Variants in TSNARE1 observed in about 807,000 individuals in gnomAD.
TSNARE1 encodes t-SNARE domain-containing protein 1.
Under a neutral mutation model 62.0 loss-of-function variants are expected in TSNARE1, and 49 were observed. The observed-to-expected ratio is 0.79, with a 90% CI of 0.63 to 1.00. The LOEUF is 1.00. TSNARE1 is among the 50% of genes least tolerant of loss of function. The probability of loss-of-function intolerance (pLI) is 0.00; values close to 1 mark genes in which losing one functional copy is unlikely to be tolerated. For synonymous variants in TSNARE1, 328 were observed against 294.4 expected, an observed-to-expected ratio of 1.11 and a Z score of -1.17; for missense variants, 755 against 700.1, an observed-to-expected ratio of 1.08 and a Z score of -0.88.
chr8:142,233,402 C>G (rs1817222456), intron 12 of TSNARE1, among the ~76,000 whole-genome samples: 1 of 152,166 alleles, frequency 6.6e-6, no homozygotes. Context: ...CTGGCCTCAT[C>G]CACATCAAGC....
At chr8:142,214,101 G>A (rs551320850) in intron 13 of TSNARE1, among the ~76,000 whole-genome samples, 1 of 152,200 alleles carries the variant, frequency 6.6e-6, no homozygotes, top group South Asian at 2.1e-4. Flanking sequence ...GGGTCTGAGG[G>A]CCTCAGGGCT....
chr8:142,236,555 A>T (rs7828173), intron 12 of TSNARE1, among the ~76,000 whole-genome samples: 21 of 147,362 alleles, frequency 1.4e-4, no homozygotes, highest in African/African-American at 5.3e-4. Flanking sequence ...GCTGATCCCC[A>T]TGTCCCCAGG....
At chr8:142,363,587 C>T (rs969095770) in intron 1 of TSNARE1, among the ~76,000 whole-genome samples, 13 of 152,266 alleles carry the variant, frequency 8.5e-5, no homozygotes, top group East Asian at 1.9e-4. Flanking sequence ...AACCTGAAGA[C>T]GGCGTTCCCA....
At chr8:142,289,887 A>T (rs965229542) in intron 10 of TSNARE1, among the ~76,000 whole-genome samples, 2 of 152,020 alleles carry the variant, frequency 1.3e-5, no homozygotes, top group African/African-American at 4.8e-5. Context: ...TGGGACCTGC[A>T]GCTGGGCCTG....
chr8:142,277,923 C>G, intron 11 of TSNARE1: 1 of 976,004 alleles, frequency 1.0e-6, no homozygotes, highest in Non-Finnish European at 1.2e-6. Context: ...CAGCCCCACA[C>G]CACATGTCTA....
At chr8:142,274,304 T>G in intron 12 of TSNARE1, 2 of 985,384 alleles carry the variant, frequency 2.0e-6, no homozygotes, top group Non-Finnish European at 2.4e-6. Flanking sequence ...CAAGGCCCAG[T>G]GAGTGGCTAG....
intron 12 of TSNARE1, among the ~76,000 whole-genome samples, chr8:142,231,586 A>G (rs1234194081): frequency 6.6e-6 from 1 of 152,190 alleles, no homozygotes; most frequent in Non-Finnish European, 1.5e-5. Flanking sequence ...GACAGCGCCC[A>G]TGGCTTAGGA....
intron 4 of TSNARE1, among the ~76,000 whole-genome samples, chr8:142,340,476 T>C (rs1832431181): frequency 6.6e-6 from 1 of 152,066 alleles, no homozygotes; most frequent in Admixed American, 6.5e-5. Context: ...AGGGCTCCCT[T>C]TTGGGAGGTG....
At chr8:142,393,438 G>A (rs1445786951) in intron 1 of TSNARE1, among the ~76,000 whole-genome samples, 8 of 152,256 alleles carry the variant, frequency 5.3e-5, no homozygotes, top group Non-Finnish European at 7.3e-5. Flanking sequence ...CGGCCAATCC[G>A]CTGGCTGTGC....
intron 9 of TSNARE1, among the ~76,000 whole-genome samples, chr8:142,302,969 G>A (rs906254412): frequency 3.9e-5 from 6 of 152,068 alleles, no homozygotes; most frequent in African/African-American, 1.4e-4. Flanking sequence ...GAGGCACTAG[G>A]GGTACAGCTG....
At chr8:142,267,800 G>A (rs1023424510) in intron 12 of TSNARE1, among the ~76,000 whole-genome samples, 4 of 152,192 alleles carry the variant, frequency 2.6e-5, no homozygotes, top group Non-Finnish European at 5.9e-5. Context: ...CTGCCTGGGG[G>A]ATGGAATGCA....
intron 10 of TSNARE1, among the ~76,000 whole-genome samples, chr8:142,293,728 G>A (rs1824205663): frequency 6.6e-6 from 1 of 152,172 alleles, no homozygotes; most frequent in Non-Finnish European, 1.5e-5. Context: ...TCGGATCGAG[G>A]GTCATCTCCT....
intron 1 of TSNARE1, among the ~76,000 whole-genome samples, chr8:142,366,619 G>A (rs915272905): frequency 2.6e-5 from 4 of 152,106 alleles, no homozygotes; most frequent in Non-Finnish European, 5.9e-5. Context: ...GAAAACACAA[G>A]AAGCTGTCTT....
intron 1 of TSNARE1, among the ~76,000 whole-genome samples, chr8:142,374,031 A>G (rs1836112264): frequency 6.6e-6 from 1 of 152,230 alleles, no homozygotes; most frequent in Non-Finnish European, 1.5e-5. Context: ...AGGCCAGGCG[A>G]CATGGCTCAT....
intron 12 of TSNARE1, among the ~76,000 whole-genome samples, chr8:142,262,324 C>T (rs922224347): frequency 6.7e-6 from 1 of 148,866 alleles, no homozygotes; most frequent in Non-Finnish European, 1.5e-5. Flanking sequence ...TATCCATGAA[C>T]GTGTGTGTGT....
chr8:142,343,279 C>A (rs1832840113), intron 4 of TSNARE1, among the ~76,000 whole-genome samples: 1 of 152,218 alleles, frequency 6.6e-6, no homozygotes, highest in Non-Finnish European at 1.5e-5. Flanking sequence ...AGTAACAGAG[C>A]AGCATGTTTC....
Position 142,274,804 on chromosome 8 carries a change from G to A in TSNARE1, c.1423C>T (p.Leu475=). 1 of 1,577,950 alleles carries A rather than the reference G, an allele frequency of 6.3e-7. No homozygotes were observed. The highest frequency in any genetic ancestry group is 2.4e-5 in the East Asian group (1 of 41,740). Residue 475 remains leucine, a synonymous_variant, in exon 12 of 14, where the codon CTG becomes TTG. Coordinates refer to ENST00000524325, the MANE Select transcript of TSNARE1 (RefSeq NM_145003.5). Reference sequence around the variant, plus strand: ...ACTTGGTGCCGGCTGGCTCCAGCCAGGAGCTGGCGGGCTGCCTCCGCATGC... The same window carrying A: ...ACTTGGTGCCGGCTGGCTCCAGCCAAGAGCTGGCGGGCTGCCTCCGCATGC... ...SSHAEAARQL[L]AGASRHQLQR...
chr8:142,217,166 C>T (rs1243645263), intron 13 of TSNARE1, among the ~76,000 whole-genome samples: 1 of 151,758 alleles, frequency 6.6e-6, no homozygotes, highest in Non-Finnish European at 1.5e-5. Flanking sequence ...TCACTTGAAC[C>T]CTGGGAGGTG....
At chr8:142,274,433 T>G (rs1225151686) in intron 12 of TSNARE1, 2 of 985,356 alleles carry the variant, frequency 2.0e-6, no homozygotes, top group Non-Finnish European at 2.4e-6. Context: ...CGCCCCAGTA[T>G]GGACACTGAG....
Sources: gnomAD v4.1 joint callset for allele counts (sites outside exome capture counted in the v4.1 genomes callset) on GRCh38, gnomAD v4.1.1 for gene constraint, MANE v1.5 for transcripts, NCBI Gene and HGNC (gene_info 2026-07-23, HGNC 2026-07-21) for gene names.